RPRD2: variants seen among roughly 807,000 people sequenced by gnomAD.
The protein encoded by RPRD2 is regulation of nuclear pre-mRNA domain-containing protein 2.
A neutral mutation model predicts 104.4 loss-of-function variants in RPRD2; 12 were observed. The observed-to-expected ratio is 0.11, with a 90% CI of 0.07 to 0.19. RPRD2 has a LOEUF of 0.19. RPRD2 is among the 10% of genes least tolerant of loss of function. The probability of loss-of-function intolerance (pLI) is 1.00; values close to 1 mark genes in which losing one functional copy is unlikely to be tolerated. For synonymous variants in RPRD2, 714 were observed against 684.9 expected (o/e 1.04, Z -0.66); for missense variants, 1,543 against 1,790.1 (o/e 0.86, Z 2.49).
chr1:150,396,292 C>T (rs1286566798), intron 1 of RPRD2, among the ~76,000 whole-genome samples: 1 of 151,574 alleles, frequency 6.6e-6, no homozygotes, highest in East Asian at 1.9e-4. Context: ...TTTTCTCCCA[C>T]TCTGTGGATT....
At chr1:150,447,345 T>G (rs1276572035) in intron 7 of RPRD2, among the ~76,000 whole-genome samples, 4 of 151,846 alleles carry the variant, frequency 2.6e-5, no homozygotes, top group Non-Finnish European at 5.9e-5. Context: ...TTTTTTTTTT[T>G]TTTTTTGAGA....
At chr1:150,462,002 G>A (rs1233868601) in intron 9 of RPRD2, among the ~76,000 whole-genome samples, 2 of 148,950 alleles carry the variant, frequency 1.3e-5, no homozygotes, top group Non-Finnish European at 3.0e-5. Context: ...ACAAAAATTA[G>A]GCCAGGTTTG....
chr1:150,394,832 C>T (rs587711119), intron 1 of RPRD2, among the ~76,000 whole-genome samples: 9 of 152,298 alleles, frequency 5.9e-5, no homozygotes, highest in East Asian at 5.8e-4. Flanking sequence ...TCTGTTTCCT[C>T]GGCCTCCCAA....
At chr1:150,453,306 C>T (rs1667322836) in intron 7 of RPRD2, among the ~76,000 whole-genome samples, 1 of 152,200 alleles carries the variant, frequency 6.6e-6, no homozygotes, top group South Asian at 2.1e-4. Context: ...GCTGGGATTA[C>T]AGGCGTGAGC....
At chr1:150,374,108 A>G (rs931623485) in intron 1 of RPRD2, among the ~76,000 whole-genome samples, 7 of 152,172 alleles carry the variant, frequency 4.6e-5, no homozygotes, top group African/African-American at 1.4e-4. Context: ...AGAGGTTGTG[A>G]CTTTCCGCCC....
intron 1 of RPRD2, among the ~76,000 whole-genome samples, chr1:150,386,649 CAT>C (rs782280122): frequency 7.6e-4 from 115 of 152,132 alleles, no homozygotes; most frequent in Non-Finnish European, 1.3e-3. Context: ...GTGTGGGTCT[CAT>C]GGTGTTTACT....
At chr1:150,408,342 T>C (rs965990515) in intron 1 of RPRD2, among the ~76,000 whole-genome samples, 14 of 151,838 alleles carry the variant, frequency 9.2e-5, no homozygotes, top group African/African-American at 3.4e-4. Context: ...TTTTTGTATT[T>C]TTAGTTTCAC....
In RPRD2 at chr1:150,464,650, C is replaced by A. The variant is rs1553899533; in HGVS notation, c.1535C>A (p.Ser512Tyr). 1 of 1,612,994 alleles carries A rather than the reference C, an allele frequency of 6.2e-7. No homozygotes were observed. The highest frequency in any genetic ancestry group is 8.5e-7 in the Non-Finnish European group (1 of 1,179,504). Residue 512 changes from serine (S) to tyrosine (Y), a missense_variant, in exon 10 of 11, where the codon TCC (serine) becomes TAC (tyrosine). Around this residue, in one of 4 missense-constraint regions of RPRD2, gnomAD observed 572 missense variants for 787.3 expected, o/e 0.73. Coordinates refer to ENST00000369068, the MANE Select transcript of RPRD2 (RefSeq NM_015203.5). ...TSHNPLANIL[S>Y]KVEITPESIL... is the part of the protein sequence containing the mutation. ...CACAACCCTCTGGCAAATATCCTCTCCAAGGTGGAGATCACCCCAGAGAGC... is the reference window on the plus strand; with the variant it reads ...CACAACCCTCTGGCAAATATCCTCTACAAGGTGGAGATCACCCCAGAGAGC...
intron 1 of RPRD2, among the ~76,000 whole-genome samples, chr1:150,416,823 G>C (rs1480663630): frequency 7.2e-6 from 1 of 139,116 alleles, no homozygotes; most frequent in Non-Finnish European, 1.5e-5. Flanking sequence ...AGTGAGCTGA[G>C]ATTGCGCCAC....
At chr1:150,433,925 A>G (rs1553892591) in intron 2 of RPRD2, among the ~76,000 whole-genome samples, 1 of 144,034 alleles carries the variant, frequency 6.9e-6, no homozygotes, top group East Asian at 2.0e-4. Flanking sequence ...TAGTGTGTAT[A>G]CACACACACA....
chr1:150,379,458 A>G (rs782138685), intron 1 of RPRD2, among the ~76,000 whole-genome samples: 1 of 151,654 alleles, frequency 6.6e-6, no homozygotes. Context: ...GCTAGAGTGC[A>G]ATGGCGCCAT....
chr1:150,461,911 C>T (rs1419090287), intron 9 of RPRD2, among the ~76,000 whole-genome samples: 2 of 151,616 alleles, frequency 1.3e-5, no homozygotes, highest in African/African-American at 2.4e-5. Flanking sequence ...ACCCAGGAGG[C>T]GGAGCTTGCA....
chr1:150,464,350 A>C (rs1329221433), intron 9 of RPRD2, among the ~76,000 whole-genome samples, 177 bp from the exon 10 acceptor site: 1 of 140,382 alleles, frequency 7.1e-6, no homozygotes. Flanking sequence ...AAAAGGAGAT[A>C]ATCTTTTCAG....
intron 6 of RPRD2, among the ~76,000 whole-genome samples, chr1:150,444,741 C>T (rs587635218): frequency 6.6e-6 from 1 of 152,154 alleles, no homozygotes; most frequent in South Asian, 2.1e-4. Flanking sequence ...TAATGTAAGC[C>T]TCATGAAGGC....
intron 1 of RPRD2, among the ~76,000 whole-genome samples, chr1:150,370,749 A>AT (rs1177112525): frequency 2.0e-5 from 3 of 151,410 alleles, no homozygotes; most frequent in African/African-American, 4.9e-5. Flanking sequence ...AATTTTTTGT[A>AT]TTTTTTTGTA....
At chr1:150,464,479 G>A (rs782170543) in intron 9 of RPRD2, 48 bp from the exon 10 acceptor site, 7 of 1,436,724 alleles carry the variant, frequency 4.9e-6, no homozygotes, top group Non-Finnish European at 6.7e-6. Context: ...ATCGGAAATT[G>A]AAGTCATTTT....
chr1:150,457,388 C>G lies in RPRD2; in HGVS notation c.971C>G (p.Pro324Arg). 6.2e-7 allele frequency: 1 copy of G among 1,613,676 alleles called. No homozygotes were observed. Among genetic ancestry groups the G allele is most frequent in the Non-Finnish European group, 8.5e-7 (1 of 1,179,692 alleles). Residue 324 changes from proline (P) to arginine (R), a missense_variant, in exon 8 of 11, where the codon CCA (proline) becomes CGA (arginine). Physicochemically the swap from Pro to Arg is moderately radical, Grantham distance 103 (BLOSUM62 -2). Around this residue, in one of 4 missense-constraint regions of RPRD2, gnomAD observed 572 missense variants for 787.3 expected, o/e 0.73. Transcript: ENST00000369068. ...PDPEESPVPS[P>R]SMDAPSPTGS... Reference sequence around the variant, plus strand: ...CCTGAAGAATCACCAGTTCCTTCCCCAAGCATGGACGCTCCCTCCCCGACT... The same window carrying G: ...CCTGAAGAATCACCAGTTCCTTCCCGAAGCATGGACGCTCCCTCCCCGACT...
At chr1:150,365,741 C>T (rs1306146152) in intron 1 of RPRD2, among the ~76,000 whole-genome samples, 1 of 152,070 alleles carries the variant, frequency 6.6e-6, no homozygotes, top group Admixed American at 6.6e-5. Flanking sequence ...AGGCGCCCGC[C>T]ACCATGTCCG....
chr1:150,429,714 TATA>T (rs1665421202), intron 2 of RPRD2, among the ~76,000 whole-genome samples: 1 of 152,216 alleles, frequency 6.6e-6, no homozygotes, highest in Non-Finnish European at 1.5e-5. Flanking sequence ...ACAAATAAGT[TATA>T]ATCACTGTTT....
Sources: gnomAD v4.1 joint callset for allele counts (sites outside exome capture counted in the v4.1 genomes callset) on GRCh38, gnomAD v4.1.1 for gene constraint, gnomAD v4.1.1 regional missense constraint, MANE v1.5 for transcripts, NCBI Gene and HGNC (gene_info 2026-07-23, HGNC 2026-07-21) for gene names.